The following MAD1L1 variants were observed in gnomAD, a reference collection of about 807,000 sequenced individuals.
MAD1L1 encodes the protein mitotic spindle assembly checkpoint protein MAD1.
Under a neutral mutation model 96.9 loss-of-function variants are expected in MAD1L1, and 95 were observed. The ratio of observed to expected loss-of-function variants is 0.98; its 90% CI spans 0.83 to 1.16. The LOEUF is 1.16. MAD1L1 is among the 50% of genes most tolerant of loss of function. The pLI is 0.00. For missense variants in MAD1L1, 1,007 were observed against 954.4 expected (o/e 1.06, Z -0.73); for synonymous variants, 473 against 396.6 (o/e 1.19, Z -2.29).
Position 2,088,466 on chromosome 7 carries a change from C to G in MAD1L1, c.1074-19128G>C, listed in dbSNP as rs1008324090. Among the ~76,000 whole-genome samples, 11 of 152,338 alleles carry G rather than the reference C, an allele frequency of 7.2e-5. No homozygotes were observed. The highest frequency in any genetic ancestry group is 4.6e-4 in the Admixed American group (7 of 15,308). On this transcript the variant is annotated intron_variant, in intron 11 of 18. Transcript: ENST00000265854. The surrounding 1 kb of genome is among the most constrained non-coding windows in gnomAD (Gnocchi z 4.4). ...TGAGCTCCACTGAACCCCAGAGAGG[C>G]TCCCCGCTTGCCTCCAGGGAACACC...
At chr7:2,150,000 C>T (rs370843996) in intron 10 of MAD1L1, among the ~76,000 whole-genome samples, 3 of 152,220 alleles carry the variant, frequency 2.0e-5, no homozygotes, top group African/African-American at 7.2e-5. Flanking sequence ...AGCTCAGGCC[C>T]GAGGACCCAT....
intron 13 of MAD1L1, among the ~76,000 whole-genome samples, chr7:2,002,707 T>A (rs186051095): frequency 2.6e-4 from 39 of 152,078 alleles, no homozygotes; most frequent in African/African-American, 8.9e-4. Context: ...AAGCCAGCAA[T>A]GAAAAGCCAG....
At position 1,898,187 on chromosome 7, in the gene MAD1L1, A is replaced by AC; in HGVS notation, c.1998+12dup. ...AGCGAGACAGCCGGAGAGCCGTCAC[A>AC]CGCAGGACCCACCTTGAAGATGAGG... On this transcript the variant is annotated intron_variant, in intron 18 of 18. Coordinates refer to ENST00000265854, the MANE Select transcript of MAD1L1 (RefSeq NM_001013836.2). 1 of 1,595,696 alleles carries AC rather than the reference A, an allele frequency of 6.3e-7. No homozygotes were observed. The highest frequency in any genetic ancestry group is 2.3e-5 in the East Asian group (1 of 43,996).
rs573925774 is a variant in MAD1L1, at chr7:1,828,505, C to T, written c.1999-12277G>A. Among the ~76,000 whole-genome samples, 8 of 152,338 alleles carry T rather than the reference C, an allele frequency of 5.3e-5. No individual in the cohort carries two copies. In the South Asian group the frequency reaches 1.2e-3, roughly 24 times the overall value. On this transcript the variant is annotated intron_variant, in intron 18 of 18. Coordinates refer to ENST00000265854, the MANE Select transcript of MAD1L1 (RefSeq NM_001013836.2). ...CCAGTGCCTGTCTCCGGCAGCCTCG[C>T]GGGAAAGCCTGCGAACTAGGCGGCT...
chr7:2,221,936 C>G (rs1439401100), intron 5 of MAD1L1, among the ~76,000 whole-genome samples: 1 of 152,204 alleles, frequency 6.6e-6, no homozygotes, highest in African/African-American at 2.4e-5. Context: ...CCAAAGTCAA[C>G]AGAAGCGAGG....
At chr7:1,996,413 C>T (rs1781565705) in intron 14 of MAD1L1, among the ~76,000 whole-genome samples, 1 of 152,222 alleles carries the variant, frequency 6.6e-6, no homozygotes, top group African/African-American at 2.4e-5. Flanking sequence ...CCTCAGCCTC[C>T]CATGAGAAGC....
At chr7:1,969,818 A>G (rs147402475) in intron 15 of MAD1L1, among the ~76,000 whole-genome samples, 1 of 152,250 alleles carries the variant, frequency 6.6e-6, no homozygotes, top group Non-Finnish European at 1.5e-5. Context: ...CCAAGGAGGC[A>G]TAAGATTTGT....
chr7:2,110,368 C>T (rs752064048), intron 11 of MAD1L1, among the ~76,000 whole-genome samples: 8 of 152,234 alleles, frequency 5.3e-5, no homozygotes, highest in South Asian at 2.1e-4. Flanking sequence ...GTTCCCTTGG[C>T]GCCTCGAGGT....
chr7:2,013,435 T>C (rs1047550716), intron 13 of MAD1L1, among the ~76,000 whole-genome samples: 8 of 152,232 alleles, frequency 5.3e-5, no homozygotes, highest in African/African-American at 1.7e-4. Flanking sequence ...GCCCAGGCCC[T>C]CTGAGATGTG....
At chr7:1,917,020 A>G (rs1562522263) in intron 17 of MAD1L1, among the ~76,000 whole-genome samples, 1 of 151,786 alleles carries the variant, frequency 6.6e-6, no homozygotes, top group Non-Finnish European at 1.5e-5. Context: ...TGTGACAGGA[A>G]TGTCCTCCAC....
intron 11 of MAD1L1, among the ~76,000 whole-genome samples, chr7:2,104,498 G>C (rs939509484): frequency 1.3e-5 from 2 of 152,200 alleles, no homozygotes; most frequent in Non-Finnish European, 2.9e-5. Flanking sequence ...TGGACACTCG[G>C]AACACGCGCT....
At chr7:2,220,777 CA>C in intron 5 of MAD1L1, 1 of 1,179,060 alleles carries the variant, frequency 8.5e-7, no homozygotes, top group Non-Finnish European at 1.2e-6. Context: ...TACTTCACCA[CA>C]ACAGTGAAGC....
At chr7:1,913,560 G>A (rs1335820770) in intron 17 of MAD1L1, among the ~76,000 whole-genome samples, 1 of 152,182 alleles carries the variant, frequency 6.6e-6, no homozygotes, top group East Asian at 1.9e-4. Context: ...CCTGGGGGTT[G>A]GCGTGGGGTC....
In MAD1L1 at chr7:2,125,219, A is replaced by G. The variant is rs565061130; in HGVS notation, c.1073+23933T>C. On this transcript the variant is annotated intron_variant, in intron 11 of 18. Coordinates refer to ENST00000265854, the MANE Select transcript of MAD1L1 (RefSeq NM_001013836.2). ...AGTCACCGCCACTGTTGCCAGGTGC[A>G]CTCCAGCAGGTCCTGGACCCAAGGG... is the stretch of plus-strand genomic sequence containing the variant. Among the ~76,000 whole-genome samples, 99 of 151,704 alleles carry G rather than the reference A, an allele frequency of 6.5e-4. 1 individual carries two copies. Among genetic ancestry groups the G allele is most frequent in the Admixed American group, 1.1e-3 (16 of 15,220 alleles).
At chr7:2,131,815 C>G (rs10256077) in intron 11 of MAD1L1, among the ~76,000 whole-genome samples, 2,094 of 152,120 alleles carry the variant, frequency 0.014, 38 homozygotes, top group African/African-American at 0.048. Flanking sequence ...TGACAGCCAT[C>G]GCACCTGGGG....
chr7:2,078,101 C>G (rs902710668), intron 11 of MAD1L1, among the ~76,000 whole-genome samples: 2 of 152,144 alleles, frequency 1.3e-5, no homozygotes, highest in African/African-American at 2.4e-5. Flanking sequence ...TCTCTGCCAT[C>G]GAAGCCCCCA....
At chr7:2,132,256 G>A (rs7795360) in intron 11 of MAD1L1, among the ~76,000 whole-genome samples, 19,261 of 152,238 alleles carry the variant, frequency 0.13, 2,453 homozygotes, top group African/African-American at 0.33. Flanking sequence ...CCCCTGCACC[G>A]TGCACGACTG....
chr7:2,145,687 T>G (rs1189382802), intron 11 of MAD1L1, among the ~76,000 whole-genome samples: 1 of 152,080 alleles, frequency 6.6e-6, no homozygotes, highest in Non-Finnish European at 1.5e-5. Flanking sequence ...CTGCACCAGG[T>G]TGCACGGCAA....
chr7:2,221,054 G>A (rs1185671623), intron 5 of MAD1L1: 1 of 1,603,920 alleles, frequency 6.2e-7, no homozygotes, highest in Non-Finnish European at 8.5e-7. Context: ...AAGGCCTAGT[G>A]CGCAGGGAGG....
Sources: gnomAD v4.1 joint callset for allele counts (sites outside exome capture counted in the v4.1 genomes callset) on GRCh38, gnomAD v4.1.1 for gene constraint, Gnocchi (gnomAD v3.1) non-coding constraint, MANE v1.5 for transcripts, NCBI Gene and HGNC (gene_info 2026-07-23, HGNC 2026-07-21) for gene names.